The following MSI2 variants were observed in gnomAD, a reference collection of about 807,000 sequenced individuals.
The protein encoded by MSI2 is RNA-binding protein Musashi homolog 2.
In MSI2, 17 loss-of-function variants were observed where a neutral mutation model predicts 45.6. The observed-to-expected ratio is 0.37, with a 90% CI of 0.26 to 0.56. The LOEUF (loss-of-function observed/expected upper bound fraction) is 0.56. Among genes scored for constraint, MSI2 ranks in the 20% least tolerant of loss-of-function variants. The probability of loss-of-function intolerance (pLI) is 0.77; values close to 1 mark genes in which losing one functional copy is unlikely to be tolerated. For synonymous variants in MSI2, 156 were observed against 158.2 expected, an observed-to-expected ratio of 0.99 and a Z score of 0.11; for missense variants, 293 against 444.2, an observed-to-expected ratio of 0.66 and a Z score of 3.06.
At chr17:57,343,993 A>C (rs913957203) in intron 5 of MSI2, among the ~76,000 whole-genome samples, 1 of 152,194 alleles carries the variant, frequency 6.6e-6, no homozygotes, top group African/African-American at 2.4e-5. Context: ...TCACCTGGTC[A>C]AGGTGTTGTT....
intron 1 of MSI2, 77 bp downstream of exon 1, chr17:57,256,881 G>A (rs1598032171): frequency 1.7e-6 from 2 of 1,186,676 alleles, no homozygotes; most frequent in African/African-American, 3.3e-5. Flanking sequence ...GGTGCGCGGA[G>A]CCGGGCATCT....
the MSI2 span, among the ~76,000 whole-genome samples, chr17:57,696,194 G>A: frequency 6.6e-6 from 1 of 152,194 alleles, no homozygotes; most frequent in East Asian, 1.9e-4. Context: ...GCAGTAAGTA[G>A]ACAGGAAGAA....
chr17:57,366,164 C>T (rs560184626), intron 5 of MSI2, among the ~76,000 whole-genome samples: 167 of 152,298 alleles, frequency 1.1e-3, no homozygotes, highest in African/African-American at 3.8e-3. Context: ...CCACCCGTTT[C>T]GGCCTCCCAA....
In MSI2 at chr17:57,596,449, C is replaced by T. The variant is rs1905251914; in HGVS notation, c.455-419C>T. On this transcript the variant is annotated intron_variant, in intron 7 of 13. Coordinates refer to ENST00000284073, the MANE Select transcript of MSI2 (RefSeq NM_138962.4). This position sits in a 1 kb window ranked among gnomAD's most constrained non-coding sequence, Gnocchi z 4.6. ...GAAGAAAAGGACAAATAACCACCTC[C>T]GTCTGGAGGCCGACCCGAGGGCTGG... Among the ~76,000 whole-genome samples, 2 of 152,202 alleles carry T rather than the reference C, an allele frequency of 1.3e-5. No individual in the cohort carries two copies. The highest frequency in any genetic ancestry group is 2.1e-4 in the South Asian group (1 of 4,834).
At chr17:57,576,813 G>A (rs1010946638) in intron 7 of MSI2, among the ~76,000 whole-genome samples, 10 of 150,990 alleles carry the variant, frequency 6.6e-5, no homozygotes, top group African/African-American at 2.4e-4. Flanking sequence ...AAAAAAAAAG[G>A]AAGGTTGGGC....
intron 6 of MSI2, among the ~76,000 whole-genome samples, chr17:57,477,154 G>A (rs1435771901): frequency 1.0e-4 from 7 of 68,702 alleles, no homozygotes; most frequent in Non-Finnish European, 2.2e-4. Flanking sequence ...TGGTGTGTGT[G>A]TGTGTGTGTG....
rs1263355614 is a variant in MSI2 at position 57,647,955 on chromosome 17, TG to T, written c.728-4142del. Among the ~76,000 whole-genome samples, 17 of 148,546 alleles carry T rather than the reference TG, an allele frequency of 1.1e-4. No homozygotes were observed. The South Asian group carries it at 1.5e-3, about 13-fold the overall frequency. On this transcript the variant is annotated intron_variant, in intron 10 of 13. Coordinates refer to ENST00000284073, the MANE Select transcript of MSI2 (RefSeq NM_138962.4). ...CTGCACCTGGCCAAAGAGTGTTTGTTGGTTTGTTTGTTTGTTTGTTTGTTTG... is the reference window on the plus strand; with the variant it reads ...CTGCACCTGGCCAAAGAGTGTTTGTTGTTTGTTTGTTTGTTTGTTTGTTTG...
intron 5 of MSI2, among the ~76,000 whole-genome samples, chr17:57,295,424 T>G (rs1910836137): frequency 6.6e-6 from 1 of 152,190 alleles, no homozygotes; most frequent in South Asian, 2.1e-4. Context: ...CTGAGCATTT[T>G]ACACAAATAA....
rs951349945 is a variant in MSI2 at position 57,529,138 on chromosome 17, GA to G, written c.406-530del. On this transcript the variant is annotated intron_variant, in intron 6 of 13. Coordinates refer to ENST00000284073, the MANE Select transcript of MSI2 (RefSeq NM_138962.4). The surrounding 1 kb of genome is among the most constrained non-coding windows in gnomAD (Gnocchi z 5.3). ...ATAGTCATAGTTTTTTCTTTCTTTA[GA>G]AAAAAAATACTCCAGGCCTGGAGCA... Among the ~76,000 whole-genome samples the G allele has an allele frequency of 4.6e-5, 7 of 151,678 alleles. No homozygotes were observed. The highest frequency in any genetic ancestry group is 1.5e-4 in the African/African-American group (6 of 41,362).
At chr17:57,511,830 G>A (rs960052001) in intron 6 of MSI2, among the ~76,000 whole-genome samples, 1 of 152,140 alleles carries the variant, frequency 6.6e-6, no homozygotes, top group African/African-American at 2.4e-5. Flanking sequence ...CACCTTCAGG[G>A]TGGAGGCCCA....
intron 11 of MSI2, among the ~76,000 whole-genome samples, chr17:57,654,845 T>C (rs1225832272): frequency 1.3e-5 from 2 of 152,022 alleles, no homozygotes; most frequent in Non-Finnish European, 2.9e-5. Flanking sequence ...AGGCTTCATT[T>C]AGGGATCAGA....
chr17:57,313,605 C>T (rs1598106639), intron 5 of MSI2, among the ~76,000 whole-genome samples: 2 of 152,302 alleles, frequency 1.3e-5, no homozygotes, highest in Non-Finnish European at 1.5e-5. Flanking sequence ...TTCTTGGCTG[C>T]CTAGTGGGAA....
At chr17:57,302,859 A>G (rs1180263027) in intron 5 of MSI2, among the ~76,000 whole-genome samples, 5 of 152,206 alleles carry the variant, frequency 3.3e-5, no homozygotes, top group African/African-American at 1.2e-4. Flanking sequence ...GTGGCAGCAG[A>G]TCGTGGGCAA....
At chr17:57,336,855 G>C (rs1287270926) in intron 5 of MSI2, among the ~76,000 whole-genome samples, 1 of 152,194 alleles carries the variant, frequency 6.6e-6, no homozygotes, top group East Asian at 1.9e-4. Flanking sequence ...CACGGTGTCT[G>C]AGGGTCAGGA....
intron 5 of MSI2, among the ~76,000 whole-genome samples, chr17:57,321,275 T>G (rs1471650505): frequency 6.6e-6 from 1 of 151,702 alleles, no homozygotes; most frequent in Non-Finnish European, 1.5e-5. Flanking sequence ...AGGCCCAATC[T>G]CTCCGTTGTT....
chr17:57,523,500 A>G (rs1004450555), intron 6 of MSI2: 4 of 152,268 alleles, frequency 2.6e-5, no homozygotes, highest in Admixed American at 6.5e-5. Flanking sequence ...CTCATTAGAA[A>G]GAGGGTTCAC....
intron 5 of MSI2, chr17:57,279,879 T>A (rs535710858): frequency 6.6e-6 from 1 of 152,298 alleles, no homozygotes; most frequent in Non-Finnish European, 1.5e-5. Context: ...TCCCGTGAGC[T>A]CAAGTGATCC....
chr17:57,429,694 G>A (rs890048598), intron 6 of MSI2, among the ~76,000 whole-genome samples: 8 of 151,146 alleles, frequency 5.3e-5, no homozygotes, highest in Non-Finnish European at 1.0e-4. Context: ...ACACACCATC[G>A]GAACAACAAA....
chr17:57,699,036 A>T, the MSI2 span, among the ~76,000 whole-genome samples: 4 of 77,890 alleles, frequency 5.1e-5, no homozygotes, highest in Admixed American at 1.1e-4. Context: ...AGAGAGAGAG[A>T]GAGAGAGAGT....
Sources: allele counts gnomAD v4.1 joint callset (sites outside exome capture counted in the v4.1 genomes callset), GRCh38; gene constraint gnomAD v4.1.1; non-coding constraint Gnocchi (gnomAD v3.1); transcripts MANE v1.5; gene names NCBI Gene and HGNC (gene_info 2026-07-23, HGNC 2026-07-21).